DIS3L2: variants seen among roughly 807,000 people sequenced by gnomAD.
DIS3L2 encodes DIS3-like exonuclease 2.
A neutral mutation model predicts 97.5 loss-of-function variants in DIS3L2; 34 were observed. The observed-to-expected ratio is 0.35, with a 90% confidence interval of 0.27 to 0.46. DIS3L2 has a LOEUF of 0.46. Among genes scored for constraint, DIS3L2 ranks in the 20% least tolerant of loss-of-function variants. The probability of loss-of-function intolerance (pLI) is 1.00; values close to 1 mark genes in which losing one functional copy is unlikely to be tolerated. For missense variants in DIS3L2, 1,038 were observed against 1,146.0 expected (o/e 0.91, Z 1.36); for synonymous variants, 435 against 445.2 (o/e 0.98, Z 0.29).
At chr2:232,205,769 A>G (rs1165120193) in intron 9 of DIS3L2, among the ~76,000 whole-genome samples, 2 of 152,206 alleles carry the variant, frequency 1.3e-5, no homozygotes, top group Non-Finnish European at 2.9e-5. Context: ...CAAAAAGGAA[A>G]ACTTTTTAAA....
At chr2:232,189,113 G>C (rs1691536393) in intron 9 of DIS3L2, among the ~76,000 whole-genome samples, 1 of 152,230 alleles carries the variant, frequency 6.6e-6, no homozygotes, top group Non-Finnish European at 1.5e-5. Context: ...TGCAGAGAAA[G>C]TGGATCACTC....
At chr2:232,327,603 T>A (rs991364541) in intron 14 of DIS3L2, among the ~76,000 whole-genome samples, 1 of 152,250 alleles carries the variant, frequency 6.6e-6, no homozygotes, top group African/African-American at 2.4e-5. Flanking sequence ...TATCTTATTA[T>A]GAAATCCGAA....
chr2:232,085,886 A>T (rs1166825977), intron 5 of DIS3L2, among the ~76,000 whole-genome samples: 11 of 152,000 alleles, frequency 7.2e-5, no homozygotes, highest in Non-Finnish European at 1.6e-4. Context: ...AGCTTACTGT[A>T]ACTCCTAACT....
chr2:232,202,869 G>C (rs912864543), intron 9 of DIS3L2, among the ~76,000 whole-genome samples: 4 of 152,162 alleles, frequency 2.6e-5, no homozygotes, highest in African/African-American at 9.7e-5. Context: ...TTATGATATT[G>C]GCAACTACCG....
At chr2:231,991,582 T>G (rs542083452) in intron 1 of DIS3L2, among the ~76,000 whole-genome samples, 17 of 152,336 alleles carry the variant, frequency 1.1e-4, no homozygotes, top group African/African-American at 3.8e-4. Context: ...AATTGTCTTT[T>G]AAATTTAGAG....
At chr2:232,253,847 G>C (rs920734331) in intron 12 of DIS3L2, among the ~76,000 whole-genome samples, 2 of 152,104 alleles carry the variant, frequency 1.3e-5, no homozygotes, top group Non-Finnish European at 2.9e-5. Flanking sequence ...GAGAGGGATG[G>C]GGGCTGCTGT....
intron 8 of DIS3L2, among the ~76,000 whole-genome samples, chr2:232,160,805 A>G (rs1316835136): frequency 1.3e-5 from 2 of 152,208 alleles, no homozygotes; most frequent in Non-Finnish European, 2.9e-5. Flanking sequence ...GCAGTGGGCC[A>G]TGATTGTGCC....
intron 9 of DIS3L2, among the ~76,000 whole-genome samples, chr2:232,167,743 T>C (rs1690866995): frequency 6.6e-6 from 1 of 152,214 alleles, no homozygotes; most frequent in Admixed American, 6.5e-5. Flanking sequence ...TTAGTTGTTA[T>C]CTTTAAAAAC....
At chr2:232,231,497 G>A (rs1250929970) in intron 10 of DIS3L2, among the ~76,000 whole-genome samples, 1 of 152,204 alleles carries the variant, frequency 6.6e-6, no homozygotes, top group African/African-American at 2.4e-5. Context: ...CAGAACTGGA[G>A]CCAATAAGTG....
chr2:231,992,254 G>A (rs911556780), intron 1 of DIS3L2, among the ~76,000 whole-genome samples: 4 of 152,120 alleles, frequency 2.6e-5, no homozygotes, highest in African/African-American at 9.7e-5. Flanking sequence ...GTTCTTTAAT[G>A]GGTAAAATTT....
At chr2:232,106,501 CAAG>C (rs1697360971) in intron 6 of DIS3L2, among the ~76,000 whole-genome samples, 1 of 152,194 alleles carries the variant, frequency 6.6e-6, no homozygotes, top group South Asian at 2.1e-4. Flanking sequence ...TTCAATTCAA[CAAG>C]AAGAGTTGCA....
At chr2:232,274,100 G>A (rs1451624683) in intron 13 of DIS3L2, among the ~76,000 whole-genome samples, 4 of 152,056 alleles carry the variant, frequency 2.6e-5, no homozygotes, top group South Asian at 2.1e-4. Flanking sequence ...TAAGTGCCTC[G>A]CATCTCCAGG....
chr2:232,096,783 C>T (rs1004658247), intron 6 of DIS3L2, among the ~76,000 whole-genome samples: 1 of 152,028 alleles, frequency 6.6e-6, no homozygotes, highest in Admixed American at 6.5e-5. Context: ...TTAATCATTT[C>T]AATCTCTTTG....
intron 9 of DIS3L2, among the ~76,000 whole-genome samples, chr2:232,188,247 T>C (rs1691503214): frequency 6.6e-6 from 1 of 152,208 alleles, no homozygotes; most frequent in South Asian, 2.1e-4. Flanking sequence ...ATGATTGCCA[T>C]GGGTATGGAG....
At chr2:232,300,348 G>A (rs1199559465) in intron 14 of DIS3L2, among the ~76,000 whole-genome samples, 1 of 152,200 alleles carries the variant, frequency 6.6e-6, no homozygotes, top group African/African-American at 2.4e-5. Flanking sequence ...TGTGTTAGAA[G>A]TAGATGCTGA....
At chr2:231,966,846 A>G (rs1411887001) in intron 1 of DIS3L2, among the ~76,000 whole-genome samples, 1 of 151,682 alleles carries the variant, frequency 6.6e-6, no homozygotes, top group Non-Finnish European at 1.5e-5. Flanking sequence ...ATGGCAGAAG[A>G]TGCTCCTTTT....
intron 7 of DIS3L2, 46 bp from the exon 8 acceptor site, chr2:232,136,426 C>T: frequency 6.2e-7 from 1 of 1,602,908 alleles, no homozygotes; most frequent in Non-Finnish European, 8.5e-7. Context: ...AAGTGTAATT[C>T]AGTTCTGCAG....
chr2:232,267,419 T>C (rs1340691904), intron 13 of DIS3L2, among the ~76,000 whole-genome samples: 1 of 152,222 alleles, frequency 6.6e-6, no homozygotes, highest in Non-Finnish European at 1.5e-5. Context: ...ACCAAATGCA[T>C]TCTTGTGCTT....
chr2:232,013,551 C>A (rs1319747233), intron 1 of DIS3L2, among the ~76,000 whole-genome samples: 1 of 152,196 alleles, frequency 6.6e-6, no homozygotes. Context: ...TAAAATCTCT[C>A]CTAAAGTACT....
Sources: gnomAD v4.1 joint callset for allele counts (sites outside exome capture counted in the v4.1 genomes callset) on GRCh38, gnomAD v4.1.1 for gene constraint, MANE v1.5 for transcripts, NCBI Gene and HGNC (gene_info 2026-07-23, HGNC 2026-07-21) for gene names.